Variants in NUDCD3 observed in about 807,000 individuals in gnomAD.
NUDCD3 encodes nudC domain-containing protein 3.
A neutral mutation model predicts 39.7 loss-of-function variants in NUDCD3; 13 were observed. That is an observed-to-expected ratio of 0.33 (90% CI 0.21 to 0.52). NUDCD3 has a LOEUF of 0.52. Among genes scored for constraint, NUDCD3 ranks in the 20% least tolerant of loss-of-function variants. The pLI, the probability that NUDCD3 is intolerant of heterozygous loss-of-function variation, is 0.96. For missense variants in NUDCD3, 453 were observed against 458.1 expected (o/e 0.99, Z 0.10); for synonymous variants, 175 against 172.4 (o/e 1.02, Z -0.12).
chr7:44,461,407 A>G (rs913400199), intron 2 of NUDCD3, among the ~76,000 whole-genome samples: 1 of 152,206 alleles, frequency 6.6e-6, no homozygotes, highest in Non-Finnish European at 1.5e-5. Flanking sequence ...GGGAGGATAG[A>G]AGGGCAAGCT....
At position 44,485,099 on chromosome 7, in the gene NUDCD3, C is replaced by T. The variant is rs1585111701; in HGVS notation, c.378G>A (p.Gly126=). Residue 126 remains glycine (G), a synonymous_variant, in exon 2 of 6, where the codon GGG becomes GGA. Transcript: ENST00000355451. The stretch of plus-strand genomic sequence containing the variant: ...GCTGCACTTTCTCTACTTCCTGATG[C>T]CCATCCAATTCTGTGGTGGAGTCAA... The part of the protein sequence containing the change: ...IEIDSTTELD[G]HQEVEKVQPP... 1 of 1,614,206 alleles carries T rather than the reference C, an allele frequency of 6.2e-7. No homozygotes were observed. Among genetic ancestry groups the T allele is most frequent in the Non-Finnish European group, 8.5e-7 (1 of 1,180,016 alleles).
At chr7:44,473,782 G>C (rs1800303116) in intron 2 of NUDCD3, among the ~76,000 whole-genome samples, 1 of 152,078 alleles carries the variant, frequency 6.6e-6, no homozygotes, top group Middle Eastern at 3.4e-3. Context: ...ACCACATGTG[G>C]GTAATAATCA....
intron 2 of NUDCD3, among the ~76,000 whole-genome samples, chr7:44,483,763 A>C (rs951245904): frequency 3.3e-5 from 5 of 152,208 alleles, no homozygotes; most frequent in Non-Finnish European, 7.3e-5. Context: ...AGAAAAAAAA[A>C]CAAAAACTCC....
intron 3 of NUDCD3, among the ~76,000 whole-genome samples, chr7:44,424,464 C>CA (rs1290146134): frequency 6.6e-6 from 1 of 151,982 alleles, no homozygotes; most frequent in African/African-American, 2.4e-5. Context: ...AAAATCCCAT[C>CA]AAAAGGTGGG....
At chr7:44,433,268 G>A (rs979036224) in intron 2 of NUDCD3, among the ~76,000 whole-genome samples, 3 of 152,188 alleles carry the variant, frequency 2.0e-5, no homozygotes, top group Non-Finnish European at 2.9e-5. Flanking sequence ...CAACATGTGT[G>A]TGTGTGTGTA....
intron 2 of NUDCD3, among the ~76,000 whole-genome samples, chr7:44,464,153 G>A (rs1238827495): frequency 6.6e-6 from 1 of 150,848 alleles, no homozygotes; most frequent in Non-Finnish European, 1.5e-5. Flanking sequence ...GGAAGAGGTT[G>A]CAGTGAGCCA....
rs553506716 is a variant in NUDCD3 at position 44,394,421 on chromosome 7, A to G, written c.787-1936T>C. Reference sequence around the variant, plus strand: ...CAGAGACCCCAACACTACAAACTCTACCTCGTCTTTACCAAGCTGATGCAA... The same window carrying G: ...CAGAGACCCCAACACTACAAACTCTGCCTCGTCTTTACCAAGCTGATGCAA... On this transcript the variant is annotated intron_variant, in intron 4 of 5. Transcript: ENST00000355451. Among the ~76,000 whole-genome samples, 4 of 152,250 alleles carry G rather than the reference A, an allele frequency of 2.6e-5. No individual in the cohort carries two copies. In the East Asian group the frequency reaches 5.8e-4, roughly 22 times the overall value.
chr7:44,475,630 C>T (rs981806206), intron 2 of NUDCD3, among the ~76,000 whole-genome samples: 8 of 151,932 alleles, frequency 5.3e-5, no homozygotes, highest in African/African-American at 1.9e-4. Context: ...CATGGTGGTA[C>T]ACATCCGTGA....
At position 44,452,528 on chromosome 7, in the gene NUDCD3, G is replaced by C. The variant is rs551066606; in HGVS notation, c.510-24825C>G. Among the ~76,000 whole-genome samples the C allele has an allele frequency of 5.3e-5, 8 of 152,260 alleles. No homozygotes were observed. In the East Asian group the frequency reaches 1.5e-3, roughly 29 times the overall value. On this transcript the variant is annotated intron_variant, in intron 2 of 5. Transcript: ENST00000355451. ...CCTCCACCAGGACTATCTCACAGGA[G>C]CTTCTTCCTGGGATGGGCATGAATC...
At chr7:44,401,275 C>T (rs375274103) in intron 4 of NUDCD3, among the ~76,000 whole-genome samples, 3 of 152,162 alleles carry the variant, frequency 2.0e-5, no homozygotes, top group Non-Finnish European at 2.9e-5. Flanking sequence ...TCAAAGCAAT[C>T]GGCTCATTAA....
At chr7:44,439,904 T>C (rs775822071) in intron 2 of NUDCD3, among the ~76,000 whole-genome samples, 7 of 152,184 alleles carry the variant, frequency 4.6e-5, no homozygotes, top group Non-Finnish European at 7.3e-5. Flanking sequence ...CTAACATCAG[T>C]AGGACCTTAA....
chr7:44,392,261 T>TA lies in NUDCD3; in HGVS notation c.975+35dup. The TA allele has an allele frequency of 1.9e-6, 3 of 1,601,008 alleles. No homozygotes were observed. In the South Asian group the frequency reaches 3.4e-5, roughly 18 times the overall value. On this transcript the variant is annotated intron_variant, in intron 5 of 5. Coordinates refer to ENST00000355451, the MANE Select transcript of NUDCD3 (RefSeq NM_015332.4). ...CGGCCTTGTCACCAGCACAAGGGCCTAAAGGGTGGACTCTCCAGGACTGCC... is the reference window on the plus strand; with the variant it reads ...CGGCCTTGTCACCAGCACAAGGGCCTAAAAGGGTGGACTCTCCAGGACTGCC...
intron 2 of NUDCD3, 37 bp from the exon 3 acceptor site, chr7:44,427,740 T>C (rs1313297163): frequency 1.2e-6 from 2 of 1,606,904 alleles, no homozygotes; most frequent in Non-Finnish European, 1.7e-6. Flanking sequence ...CAGTCAGCCA[T>C]GCCTGAGCAG....
chr7:44,384,490 T>C lies in NUDCD3; in HGVS notation c.*1521A>G, dbSNP rs1277343382. 6.6e-6 allele frequency: 1 copy of C among 151,128 alleles called. No homozygotes were observed. Among genetic ancestry groups the C allele is most frequent in the African/African-American group, 2.5e-5 (1 of 40,472 alleles). 9.4% of individuals were successfully genotyped at this position (151,128 alleles called of 1,614,324 possible). ...CTCTCCTGTGATGATCGGAGCAACATGTTTGGACCCACAGAAGACTTCCCA... is the reference window on the plus strand; with the variant it reads ...CTCTCCTGTGATGATCGGAGCAACACGTTTGGACCCACAGAAGACTTCCCA... On this transcript the variant is annotated 3_prime_UTR_variant, in exon 6 of 6. Transcript: ENST00000355451.
At chr7:44,490,293 C>A in intron 1 of NUDCD3, 116 bp downstream of exon 1, 1 of 1,035,808 alleles carries the variant, frequency 9.7e-7, no homozygotes, top group Non-Finnish European at 1.3e-6. Flanking sequence ...ACAAGCTCAA[C>A]CCCAGGACAC....
rs1798287636 is a variant in NUDCD3, at chr7:44,380,499, C to A, written c.*5512G>T. On this transcript the variant is annotated 3_prime_UTR_variant, in exon 6 of 6. Coordinates refer to ENST00000355451, the MANE Select transcript of NUDCD3 (RefSeq NM_015332.4). Reference sequence around the variant, plus strand: ...TTAAGGCTTAGCTCCAGTCTGTAGCCCATTCCCTGACAGGTACCTGGGTTT... The same window carrying A: ...TTAAGGCTTAGCTCCAGTCTGTAGCACATTCCCTGACAGGTACCTGGGTTT... The A allele has an allele frequency of 6.6e-6, 1 of 152,280 alleles. No individual in the cohort carries two copies. The highest frequency in any genetic ancestry group is 1.5e-5 in the Non-Finnish European group (1 of 68,092). 9.4% of individuals were successfully genotyped at this position (152,280 alleles called of 1,614,324 possible).
intron 2 of NUDCD3, among the ~76,000 whole-genome samples, chr7:44,451,175 T>C (rs1383780128): frequency 6.6e-6 from 1 of 152,186 alleles, no homozygotes; most frequent in African/African-American, 2.4e-5. Context: ...ATTCTACACA[T>C]GCTACAACAT....
chr7:44,456,215 C>A, intron 2 of NUDCD3, among the ~76,000 whole-genome samples: 1 of 150,188 alleles, frequency 6.7e-6, no homozygotes, highest in South Asian at 2.1e-4. Context: ...AAGTCAGAGA[C>A]ACAGGATATA....
chr7:44,488,312 G>C (rs1800659270), intron 1 of NUDCD3, among the ~76,000 whole-genome samples: 1 of 149,150 alleles, frequency 6.7e-6, no homozygotes, highest in South Asian at 2.1e-4. Context: ...TCCAGCCTGG[G>C]CGACAGAGTG....
Sources: allele counts gnomAD v4.1 joint callset (sites outside exome capture counted in the v4.1 genomes callset), GRCh38; gene constraint gnomAD v4.1.1; transcripts MANE v1.5; gene names NCBI Gene and HGNC (gene_info 2026-07-23, HGNC 2026-07-21).